Variants in ARHGAP31 observed in about 807,000 individuals in gnomAD.
The protein encoded by ARHGAP31 is Rho GTPase activating protein 31, also known as rho GTPase-activating protein 31.
ARHGAP31 carries 34 observed loss-of-function variants against 113.9 expected under a neutral mutation model. The ratio of observed to expected loss-of-function variants is 0.30; its 90% confidence interval spans 0.23 to 0.40. ARHGAP31 has a LOEUF of 0.40. Among genes scored for constraint, ARHGAP31 ranks in the 10% least tolerant of loss-of-function variants. The pLI is 1.00. For missense variants in ARHGAP31, 1,548 were observed against 1,767.1 expected, an observed-to-expected ratio of 0.88 and a Z score of 2.22; for synonymous variants, 650 against 684.8, an observed-to-expected ratio of 0.95 and a Z score of 0.79.
chr3:119,380,901 C>T lies in ARHGAP31; in HGVS notation c.349-3C>T. On this transcript the variant is annotated splice_polypyrimidine_tract_variant and splice_region_variant and intron_variant, in intron 3 of 11. Transcript: ENST00000264245. ...CCAGGCTGCCTTGTGTTCTTCTCCACAGGAGGCAGTGTCGCATTGCCCTGA... is the reference window on the plus strand; with the variant it reads ...CCAGGCTGCCTTGTGTTCTTCTCCATAGGAGGCAGTGTCGCATTGCCCTGA... The T allele has an allele frequency of 6.2e-7, 1 of 1,614,000 alleles. No individual in the cohort carries two copies. Among genetic ancestry groups the T allele is most frequent in the Non-Finnish European group, 8.5e-7 (1 of 1,179,880 alleles).
chr3:119,313,615 A>T (rs1304795846), intron 1 of ARHGAP31, among the ~76,000 whole-genome samples: 1 of 152,230 alleles, frequency 6.6e-6, no homozygotes, highest in South Asian at 2.1e-4. Flanking sequence ...ATACTCTGTC[A>T]GCTGGACAGC....
rs1456899994 is a variant in ARHGAP31, at chr3:119,418,594, A to G, written c.*2330A>G. On this transcript the variant is annotated 3_prime_UTR_variant, in exon 12 of 12. Coordinates refer to ENST00000264245, the MANE Select transcript of ARHGAP31 (RefSeq NM_020754.4). Reference sequence around the variant, plus strand: ...TTGTTTGGTAACATTTATAAGATCTATTTTTATTTGGGGATAGACTGAGAA... The same window carrying G: ...TTGTTTGGTAACATTTATAAGATCTGTTTTTATTTGGGGATAGACTGAGAA... 1 of 152,216 alleles carries G rather than the reference A, an allele frequency of 6.6e-6. No individual in the cohort carries two copies. The highest frequency in any genetic ancestry group is 2.4e-5 in the African/African-American group (1 of 41,464). The allele number at this position is 152,216 out of a possible 1,614,324, so 9.4% of individuals were successfully genotyped here.
chr3:119,357,844 C>A (rs79472501), intron 1 of ARHGAP31, among the ~76,000 whole-genome samples: 11,045 of 152,230 alleles, frequency 0.073, 549 homozygotes, highest in Admixed American at 0.16. Flanking sequence ...ATGTTCTCAT[C>A]TATAACAATA....
At chr3:119,353,140 C>T (rs2080125364) in intron 1 of ARHGAP31, among the ~76,000 whole-genome samples, 1 of 152,154 alleles carries the variant, frequency 6.6e-6, no homozygotes, top group African/African-American at 2.4e-5. Flanking sequence ...TATTGCAGCA[C>T]CTTGACTGGT....
In ARHGAP31 at chr3:119,414,603, G is replaced by A. The variant is rs1013305712; in HGVS notation, c.2674G>A (p.Asp892Asn). ...GGAGCCTTCAGACTGTGACGAAGATGACACTGTGACAGACATTGCCCAGCA... is the reference window on the plus strand; with the variant it reads ...GGAGCCTTCAGACTGTGACGAAGATAACACTGTGACAGACATTGCCCAGCA... The part of the protein sequence containing the change: ...VQEPSDCDED[D>N]TVTDIAQHGL... Residue 892 changes from aspartate to asparagine, a missense_variant, in exon 12 of 12, where the codon GAC becomes AAC. Transcript: ENST00000264245. 1 of 1,614,128 alleles carries A rather than the reference G, an allele frequency of 6.2e-7. No homozygotes were observed. The highest frequency in any genetic ancestry group is 1.3e-5 in the African/African-American group (1 of 74,940).
intron 1 of ARHGAP31, among the ~76,000 whole-genome samples, chr3:119,340,028 C>A (rs1248304081): frequency 6.6e-6 from 1 of 152,292 alleles, no homozygotes; most frequent in South Asian, 2.1e-4. Flanking sequence ...GCACATCCAA[C>A]AAAGCACTAG....
Position 119,294,762 on chromosome 3 carries a change from C to A in ARHGAP31, c.-143C>A, listed in dbSNP as rs2079517687. On this transcript the variant is annotated 5_prime_UTR_variant, in exon 1 of 12. Coordinates refer to ENST00000264245, the MANE Select transcript of ARHGAP31 (RefSeq NM_020754.4). ...CGGCCCGCGGGGTCCATGCGCAGGG[C>A]CCCCAGCCCAAGTTCTTCCATCTTC... 8.9e-6 allele frequency: 7 copies of A among 782,954 alleles called. No individual in the cohort carries two copies. The highest frequency in any genetic ancestry group is 3.6e-4 in the Middle Eastern group (1 of 2,784). The allele number at this position is 782,954 out of a possible 1,614,324, so 48.5% of individuals were successfully genotyped here.
At chr3:119,382,471 G>A in intron 5 of ARHGAP31, 72 bp downstream of exon 5, 2 of 1,421,898 alleles carry the variant, frequency 1.4e-6, no homozygotes, top group Non-Finnish European at 2.0e-6. Flanking sequence ...ATGAAGATTG[G>A]ATTCTTCAAA....
intron 1 of ARHGAP31, chr3:119,298,829 A>G: frequency 5.1e-6 from 1 of 195,960 alleles, no homozygotes; most frequent in Non-Finnish European, 1.1e-5. Context: ...ACATTTCTGA[A>G]GCAAGCGTCT....
At position 119,331,360 on chromosome 3, in the gene ARHGAP31, T is replaced by C. The variant is rs539263126; in HGVS notation, c.101-33956T>C. On this transcript the variant is annotated intron_variant, in intron 1 of 11. Coordinates refer to ENST00000264245, the MANE Select transcript of ARHGAP31 (RefSeq NM_020754.4). ...TTCTTCTGTGTGTATGTAGAGTATA[T>C]GTTCTGAACAATTTGAGAGAAAAGA... Among the ~76,000 whole-genome samples the C allele has an allele frequency of 2.6e-5, 4 of 152,338 alleles. No homozygotes were observed. The South Asian group carries it at 8.3e-4, about 32-fold the overall frequency.
rs576067985 is a variant in ARHGAP31 at position 119,409,873 on chromosome 3, T to G, written c.1926+97T>G. The G allele has an allele frequency of 4.8e-6, 6 of 1,257,510 alleles. No individual in the cohort carries two copies. The African/African-American group carries it at 9.0e-5, about 19-fold the overall frequency. The allele number at this position is 1,257,510 out of a possible 1,614,324, so 77.9% of individuals were successfully genotyped here. On this transcript the variant is annotated intron_variant, in intron 11 of 11. Coordinates refer to ENST00000264245, the MANE Select transcript of ARHGAP31 (RefSeq NM_020754.4). Reference sequence around the variant, plus strand: ...AGTAAATTGAAAAAAAATTTTTTTTTGAAAAATCAGTTTCTGCCAAAGGGA... The same window carrying G: ...AGTAAATTGAAAAAAAATTTTTTTTGGAAAAATCAGTTTCTGCCAAAGGGA...
intron 3 of ARHGAP31, among the ~76,000 whole-genome samples, chr3:119,378,769 C>T (rs1200402543): frequency 6.6e-6 from 1 of 152,206 alleles, no homozygotes; most frequent in Non-Finnish European, 1.5e-5. Flanking sequence ...GTCCTCTCCA[C>T]AATCATGTTT....
intron 8 of ARHGAP31, among the ~76,000 whole-genome samples, chr3:119,394,618 G>A (rs1212060205): frequency 6.6e-6 from 1 of 151,876 alleles, no homozygotes; most frequent in Admixed American, 6.6e-5. Context: ...CAAATGCAGT[G>A]AGCAAACTTT....
chr3:119,363,934 C>T (rs2080231859), intron 1 of ARHGAP31, among the ~76,000 whole-genome samples: 1 of 152,074 alleles, frequency 6.6e-6, no homozygotes, highest in Non-Finnish European at 1.5e-5. Context: ...GTTGTTCTAT[C>T]CCAAACCACC....
chr3:119,328,855 C>G (rs577075490), intron 1 of ARHGAP31, among the ~76,000 whole-genome samples: 2 of 152,016 alleles, frequency 1.3e-5, no homozygotes, highest in Admixed American at 6.6e-5. Flanking sequence ...TTGGCCAGGC[C>G]GGTCTCTCTG....
intron 1 of ARHGAP31, among the ~76,000 whole-genome samples, chr3:119,359,016 AC>A (rs1310369144): frequency 6.7e-6 from 1 of 149,580 alleles, no homozygotes; most frequent in Non-Finnish European, 1.5e-5. Flanking sequence ...TTTGTTTTTA[AC>A]TTTTTTTTTT....
At chr3:119,315,814 G>T (rs1328783186) in intron 1 of ARHGAP31, among the ~76,000 whole-genome samples, 1 of 152,132 alleles carries the variant, frequency 6.6e-6, no homozygotes, top group Non-Finnish European at 1.5e-5. Context: ...AATTTTATTT[G>T]GTTTGTAAAA....
intron 1 of ARHGAP31, among the ~76,000 whole-genome samples, chr3:119,324,589 C>T (rs575733116): frequency 6.6e-6 from 1 of 152,300 alleles, no homozygotes; most frequent in Admixed American, 6.5e-5. Context: ...CATCAAGGTT[C>T]CTTGTCCCTC....
chr3:119,335,862 A>C (rs2079941339), intron 1 of ARHGAP31, among the ~76,000 whole-genome samples: 1 of 152,192 alleles, frequency 6.6e-6, no homozygotes, highest in African/African-American at 2.4e-5. Flanking sequence ...GGAAATCTAG[A>C]TTCTGGGTTG....
Sources: allele counts gnomAD v4.1 joint callset (sites outside exome capture counted in the v4.1 genomes callset), GRCh38; gene constraint gnomAD v4.1.1; transcripts MANE v1.5; gene names NCBI Gene and HGNC (gene_info 2026-07-23, HGNC 2026-07-21).